Variants in RSRC1 observed in about 807,000 individuals in gnomAD.
RSRC1 encodes serine/Arginine-related protein 53.
RSRC1 carries 39 observed loss-of-function variants against 49.1 expected under a neutral mutation model. The observed-to-expected ratio is 0.79, with a 90% CI of 0.61 to 1.04. RSRC1 has a LOEUF of 1.04. Ranked by LOEUF, RSRC1 falls within the 50% of genes least tolerant of loss-of-function variation. The pLI, the probability that RSRC1 is intolerant of heterozygous loss-of-function variation, is 0.00. For synonymous variants in RSRC1, 143 were observed against 130.8 expected (o/e 1.09, Z -0.63); for missense variants, 388 against 402.4 (o/e 0.96, Z 0.31).
intron 6 of RSRC1, among the ~76,000 whole-genome samples, chr3:158,417,640 T>C (rs1734817672): frequency 6.6e-6 from 1 of 151,980 alleles, no homozygotes; most frequent in Non-Finnish European, 1.5e-5. Context: ...TTACACACTG[T>C]ATGCCAGGGT....
intron 6 of RSRC1, among the ~76,000 whole-genome samples, chr3:158,367,214 G>A (rs996324459): frequency 1.8e-4 from 28 of 152,018 alleles, no homozygotes; most frequent in Non-Finnish European, 2.4e-4. Context: ...GTCTCGTGCC[G>A]GTTTTCAAAG....
At chr3:158,302,328 A>G (rs1399588084) in intron 5 of RSRC1, among the ~76,000 whole-genome samples, 2 of 152,178 alleles carry the variant, frequency 1.3e-5, no homozygotes, top group Non-Finnish European at 2.9e-5. Flanking sequence ...GATTTGTGTT[A>G]TAGCTCAGTG....
intron 6 of RSRC1, among the ~76,000 whole-genome samples, chr3:158,360,347 G>A (rs1731396932): frequency 1.3e-5 from 2 of 152,128 alleles, no homozygotes; most frequent in African/African-American, 2.4e-5. Flanking sequence ...CCATGGGCAG[G>A]CCCAGAAAAG....
rs967769359 is a variant in RSRC1, at chr3:158,316,138, C to T, written c.531+18063C>T. Among the ~76,000 whole-genome samples, 29 of 150,830 alleles carry T rather than the reference C, an allele frequency of 1.9e-4. 1 individual carries two copies. The highest frequency in any genetic ancestry group is 1.5e-3 in the Admixed American group (22 of 15,148). On this transcript the variant is annotated intron_variant, in intron 5 of 9. Coordinates refer to ENST00000611884, the MANE Select transcript of RSRC1 (RefSeq NM_001271838.2). ...AGTGAGCCAAGATGGTGCCACAGCA[C>T]GCCAGCCTGGACAACAGAGCGAGAC...
chr3:158,447,469 C>T (rs74920451), intron 6 of RSRC1, among the ~76,000 whole-genome samples: 2,627 of 151,990 alleles, frequency 0.017, 61 homozygotes, highest in African/African-American at 0.06. Context: ...TAATTAGAAA[C>T]ACTAGTAGAA....
At chr3:158,169,821 T>C (rs1718770125) in intron 3 of RSRC1, among the ~76,000 whole-genome samples, 1 of 152,174 alleles carries the variant, frequency 6.6e-6, no homozygotes, top group Non-Finnish European at 1.5e-5. Flanking sequence ...GTCTCTGTAC[T>C]ACAGTGGCTA....
intron 4 of RSRC1, among the ~76,000 whole-genome samples, chr3:158,259,668 G>A (rs565133304): frequency 6.6e-5 from 10 of 152,264 alleles, no homozygotes; most frequent in South Asian, 2.1e-4. Flanking sequence ...TCAGGGCAGC[G>A]AGTTCCCCCC....
rs1429612503 is a variant in RSRC1, at chr3:158,427,192, C to CA, written c.584-33734dup. 6.9e-4 allele frequency among the ~76,000 whole-genome samples: 89 copies of CA among 129,878 alleles called. 1 individual carries two copies. The highest frequency in any genetic ancestry group is 5.5e-3 in the Admixed American group (73 of 13,254). The allele number at this position is 129,878 out of a possible 152,430, so 85.2% of individuals were successfully genotyped here. ...AAATAATAAATGATAGCCAACCAAC[C>CA]AAAAAAAAAGGAAAGGAGGCTAGAC... On this transcript the variant is annotated intron_variant, in intron 6 of 9. Coordinates refer to ENST00000611884, the MANE Select transcript of RSRC1 (RefSeq NM_001271838.2).
At chr3:158,420,835 C>G (rs1735004588) in intron 6 of RSRC1, among the ~76,000 whole-genome samples, 1 of 151,864 alleles carries the variant, frequency 6.6e-6, no homozygotes. Context: ...TATATGCAGA[C>G]AACTCTGTTA....
At chr3:158,209,328 T>A (rs749413647) in intron 4 of RSRC1, among the ~76,000 whole-genome samples, 4 of 152,106 alleles carry the variant, frequency 2.6e-5, no homozygotes, top group Non-Finnish European at 5.9e-5. Context: ...TACGTGCTCT[T>A]TGCCTTTCTT....
At chr3:158,235,453 G>GA (rs1451843787) in intron 4 of RSRC1, among the ~76,000 whole-genome samples, 2 of 151,988 alleles carry the variant, frequency 1.3e-5, no homozygotes, top group East Asian at 3.9e-4. Context: ...TACTAGGAAA[G>GA]AAAAAAACAG....
intron 7 of RSRC1, among the ~76,000 whole-genome samples, chr3:158,498,036 C>A (rs376576230): frequency 8.5e-5 from 13 of 152,226 alleles, no homozygotes; most frequent in African/African-American, 2.6e-4. Context: ...CATGAGTGTG[C>A]AAGTATCTTT....
At chr3:158,405,492 T>C (rs541785588) in intron 6 of RSRC1, among the ~76,000 whole-genome samples, 1 of 152,230 alleles carries the variant, frequency 6.6e-6, no homozygotes, top group East Asian at 1.9e-4. Context: ...GGGTGCAGAA[T>C]ATTATTTTTG....
Position 158,275,245 on chromosome 3 carries a change from T to C in RSRC1, c.495-22794T>C, listed in dbSNP as rs530537869. ...GCACTGAACCAGGAGCTTTCACCTT[T>C]TATGTGAACTTAAAATGGTACTGTG... On this transcript the variant is annotated intron_variant, in intron 4 of 9. Transcript: ENST00000611884. Among the ~76,000 whole-genome samples the C allele has an allele frequency of 8.5e-5, 13 of 152,340 alleles. No individual in the cohort carries two copies. In the South Asian group the frequency reaches 2.7e-3, roughly 32 times the overall value.
At chr3:158,534,582 C>G (rs1712609815) in intron 7 of RSRC1, among the ~76,000 whole-genome samples, 1 of 151,384 alleles carries the variant, frequency 6.6e-6, no homozygotes, top group African/African-American at 2.4e-5. Flanking sequence ...ATTTTTTCTG[C>G]CCAGCTAGCA....
chr3:158,113,309 C>T (rs535208777), intron 1 of RSRC1, among the ~76,000 whole-genome samples: 1 of 152,090 alleles, frequency 6.6e-6, no homozygotes, highest in South Asian at 2.1e-4. Flanking sequence ...TTCTCACCAA[C>T]AGTTTATTAA....
At chr3:158,136,868 A>T (rs1716411511) in intron 3 of RSRC1, 1 of 152,182 alleles carries the variant, frequency 6.6e-6, no homozygotes, top group East Asian at 1.9e-4. Flanking sequence ...GCTTGAGGAT[A>T]ATAAGTTGAG....
At chr3:158,133,136 A>G (rs1045461685) in intron 3 of RSRC1, among the ~76,000 whole-genome samples, 2 of 152,182 alleles carry the variant, frequency 1.3e-5, no homozygotes, top group African/African-American at 4.8e-5. Flanking sequence ...TGAAAAACTA[A>G]TTTATTGTTT....
intron 4 of RSRC1, among the ~76,000 whole-genome samples, chr3:158,243,232 G>T (rs956538762): frequency 2.0e-5 from 3 of 152,120 alleles, no homozygotes; most frequent in Non-Finnish European, 2.9e-5. Context: ...TGTATATGGT[G>T]TAAAGAAGGG....
Sources: allele counts gnomAD v4.1 joint callset (sites outside exome capture counted in the v4.1 genomes callset), GRCh38; gene constraint gnomAD v4.1.1; transcripts MANE v1.5; gene names NCBI Gene and HGNC (gene_info 2026-07-23, HGNC 2026-07-21).